Variants in PDE7A observed in about 807,000 individuals in gnomAD.
PDE7A encodes the protein phosphodiesterase 7A.
Under a neutral mutation model 64.3 loss-of-function variants are expected in PDE7A, and 39 were observed. The observed-to-expected ratio is 0.61, with a 90% CI of 0.47 to 0.79. PDE7A has a LOEUF of 0.79. PDE7A is among the 30% of genes least tolerant of loss of function. The pLI, the probability that PDE7A is intolerant of heterozygous loss-of-function variation, is 0.00. For missense variants in PDE7A, 470 were observed against 582.8 expected (o/e 0.81, Z 1.99); for synonymous variants, 203 against 206.8 (o/e 0.98, Z 0.16).
chr8:65,801,284 A>T (rs1809979894), intron 1 of PDE7A, among the ~76,000 whole-genome samples: 1 of 152,226 alleles, frequency 6.6e-6, no homozygotes, highest in African/African-American at 2.4e-5. Flanking sequence ...TTAGAAACAC[A>T]ACTCTACCAC....
At chr8:65,755,671 C>T (rs1808200029) in intron 3 of PDE7A, among the ~76,000 whole-genome samples, 2 of 152,160 alleles carry the variant, frequency 1.3e-5, no homozygotes, top group Admixed American at 6.5e-5. Flanking sequence ...AAAAATATAA[C>T]ACTGGTTTAT....
intron 1 of PDE7A, among the ~76,000 whole-genome samples, chr8:65,819,552 A>G (rs953350306): frequency 2.0e-5 from 3 of 152,270 alleles, no homozygotes; most frequent in African/African-American, 7.2e-5. Context: ...GTTATTGTTA[A>G]CAGCAAAAAA....
rs149711128 is a variant in PDE7A, at chr8:65,824,858, T to C, written c.138+16513A>G. On this transcript the variant is annotated intron_variant, in intron 1 of 12. Coordinates refer to ENST00000401827, the MANE Select transcript of PDE7A (RefSeq NM_001242318.3). ...AAAAGATTCACGTGACTTGCTTTAT[T>C]GTGATATTAGCTTTACTGTGATAGT... 1.2e-4 allele frequency among the ~76,000 whole-genome samples: 18 copies of C among 152,364 alleles called. No homozygotes were observed. The East Asian group carries it at 3.5e-3, about 29-fold the overall frequency.
At chr8:65,829,039 A>T (rs1422540417) in intron 1 of PDE7A, among the ~76,000 whole-genome samples, 1 of 152,074 alleles carries the variant, frequency 6.6e-6, no homozygotes, top group African/African-American at 2.4e-5. Flanking sequence ...GAATAACTTC[A>T]TTGTTTTTCT....
chr8:65,799,078 T>A (rs1809927169), intron 1 of PDE7A, among the ~76,000 whole-genome samples: 1 of 152,104 alleles, frequency 6.6e-6, no homozygotes, highest in African/African-American at 2.4e-5. Context: ...TCAGTGGTTG[T>A]CTGGGGCAGG....
At chr8:65,804,124 A>T (rs530375823) in intron 1 of PDE7A, among the ~76,000 whole-genome samples, 1 of 152,332 alleles carries the variant, frequency 6.6e-6, no homozygotes, top group Non-Finnish European at 1.5e-5. Flanking sequence ...ATCAAACTGC[A>T]TACACCAGCA....
rs1295965698 is a variant in PDE7A at position 65,730,171 on chromosome 8, C to CTTCTTTTTTTTTT, written c.697-2871_697-2870insAAAAAAAAAAGAA. Among the ~76,000 whole-genome samples the CTTCTTTTTTTTTT allele has an allele frequency of 5.5e-3, 471 of 86,418 alleles. 84 individuals are homozygous for CTTCTTTTTTTTTT. The highest frequency in any genetic ancestry group is 0.019 in the African/African-American group (398 of 20,916). 56.7% of individuals were successfully genotyped at this position (86,418 alleles called of 152,430 possible). On this transcript the variant is annotated intron_variant, in intron 7 of 12. Coordinates refer to ENST00000401827, the MANE Select transcript of PDE7A (RefSeq NM_001242318.3). ...TGTGAGGGATCCAGGTTGCGCACTT[C>CTTCTTTTTTTTTT]TTTTTTTTTTTTTTTTTTTTTTTTT...
rs1484891021 is a variant in PDE7A, at chr8:65,723,577, C to T, written c.1207G>A (p.Asp403Asn). 2.5e-5 allele frequency: 40 copies of T among 1,581,862 alleles called. No homozygotes were observed. The highest frequency in any genetic ancestry group is 3.3e-5 in the Non-Finnish European group (38 of 1,165,812). The part of the protein sequence containing the change: ...KYHLGVSPLC[D>N]RHTESIANIQ... ...TTGGCAATAGATTCAGTGTGACGAT[C>T]GCAAAGTGGACTCACACCCAAATGA... Residue 403 changes from aspartate (D) to asparagine (N), a missense_variant, in exon 12 of 13, where the codon GAT (aspartate) becomes AAT (asparagine). Transcript: ENST00000401827.
rs926017250 is a variant in PDE7A at position 65,717,829 on chromosome 8, AAC to A, written c.*1459_*1460del. The A allele has an allele frequency of 3.9e-5, 6 of 152,242 alleles. No individual in the cohort carries two copies. Among genetic ancestry groups the A allele is most frequent in the Admixed American group, 3.9e-4 (6 of 15,276 alleles). The allele number at this position is 152,242 out of a possible 1,614,324, so 9.4% of individuals were successfully genotyped here. A position where few individuals can be genotyped will look rare whatever the true frequency, so the allele number is the denominator to read the frequency against. On this transcript the variant is annotated 3_prime_UTR_variant, in exon 13 of 13. Coordinates refer to ENST00000401827, the MANE Select transcript of PDE7A (RefSeq NM_001242318.3). ...TGCAACAAACTGTAAACAATTAATA[AAC>A]AGTCTTTTACAGTAACAAGGGAAAT...
chr8:65,780,013 T>A (rs541474275), intron 2 of PDE7A, among the ~76,000 whole-genome samples: 116 of 152,258 alleles, frequency 7.6e-4, no homozygotes, highest in Non-Finnish European at 1.3e-3. Flanking sequence ...GGATTTTTTT[T>A]AAATCTACCC....
At chr8:65,780,567 ATTATT>A (rs1251850623) in intron 2 of PDE7A, among the ~76,000 whole-genome samples, 1 of 152,128 alleles carries the variant, frequency 6.6e-6, no homozygotes, top group Admixed American at 6.5e-5. Context: ...TTTTACAGGC[ATTATT>A]TTATTTTCTT....
At chr8:65,780,048 T>G (rs1323226993) in intron 2 of PDE7A, among the ~76,000 whole-genome samples, 1 of 152,014 alleles carries the variant, frequency 6.6e-6, no homozygotes, top group African/African-American at 2.4e-5. Flanking sequence ...ATAATCTATA[T>G]TTTAATAAGT....
intron 1 of PDE7A, among the ~76,000 whole-genome samples, chr8:65,816,847 T>C (rs1810416622): frequency 6.6e-6 from 1 of 152,240 alleles, no homozygotes; most frequent in African/African-American, 2.4e-5. Flanking sequence ...TCACATTCAC[T>C]GACCTTCTGG....
chr8:65,785,061 T>G (rs374595975), intron 1 of PDE7A, among the ~76,000 whole-genome samples: 1 of 152,236 alleles, frequency 6.6e-6, no homozygotes, highest in African/African-American at 2.4e-5. Context: ...GCAAAAGAAC[T>G]ACCCAAAACA....
At chr8:65,802,993 T>G (rs2128928373) in intron 1 of PDE7A, among the ~76,000 whole-genome samples, 1 of 152,310 alleles carries the variant, frequency 6.6e-6, no homozygotes, top group Admixed American at 6.5e-5. Flanking sequence ...ATAATGTGCC[T>G]GTTCCTGCTT....
intron 5 of PDE7A, among the ~76,000 whole-genome samples, chr8:65,741,212 T>C (rs1242347298): frequency 6.6e-6 from 1 of 152,196 alleles, no homozygotes; most frequent in Non-Finnish European, 1.5e-5. Flanking sequence ...TATTAAAAAG[T>C]CTATTTTAAG....
chr8:65,814,651 T>C (rs1308124333), intron 1 of PDE7A, among the ~76,000 whole-genome samples: 2 of 152,158 alleles, frequency 1.3e-5, no homozygotes, highest in Non-Finnish European at 2.9e-5. Context: ...AAACATTGCT[T>C]AACTCTGGGG....
intron 1 of PDE7A, among the ~76,000 whole-genome samples, chr8:65,828,417 T>C (rs906418083): frequency 2.6e-5 from 4 of 152,180 alleles, no homozygotes; most frequent in Admixed American, 2.6e-4. Flanking sequence ...CAAATATGGC[T>C]ATTTGGCATC....
At chr8:65,805,366 A>T (rs1166968583) in intron 1 of PDE7A, among the ~76,000 whole-genome samples, 1 of 152,240 alleles carries the variant, frequency 6.6e-6, no homozygotes, top group African/African-American at 2.4e-5. Flanking sequence ...AGTGTTGAGC[A>T]GAAAACAATT....
Sources: allele counts gnomAD v4.1 joint callset (sites outside exome capture counted in the v4.1 genomes callset), GRCh38; gene constraint gnomAD v4.1.1; transcripts MANE v1.5; gene names NCBI Gene and HGNC (gene_info 2026-07-23, HGNC 2026-07-21).